The following CDH13 variants were observed in gnomAD, a reference collection of about 807,000 sequenced individuals.
CDH13 encodes the protein cadherin-13.
In CDH13, 24 loss-of-function variants were observed where a neutral mutation model predicts 63.8. The observed-to-expected ratio is 0.38, with a 90% CI of 0.27 to 0.53. The LOEUF (loss-of-function observed/expected upper bound fraction) is 0.53, where lower values mean the gene tolerates loss of function less well. Ranked by LOEUF, CDH13 falls within the 20% of genes least tolerant of loss-of-function variation. The pLI is 0.85. For missense variants in CDH13, 1,049 were observed against 903.1 expected (o/e 1.16, Z -2.07); for synonymous variants, 503 against 355.3 (o/e 1.42, Z -4.67).
At chr16:83,531,782 A>G (rs1054543416) in intron 7 of CDH13, among the ~76,000 whole-genome samples, 2 of 152,260 alleles carry the variant, frequency 1.3e-5, no homozygotes, top group East Asian at 3.9e-4. Flanking sequence ...CCCTGCGGCC[A>G]CCTTAATTTT....
chr16:82,721,359 A>G (rs2032758837), intron 1 of CDH13, among the ~76,000 whole-genome samples: 1 of 152,150 alleles, frequency 6.6e-6, no homozygotes, highest in Admixed American at 6.6e-5. Flanking sequence ...CTTGGGGCCC[A>G]AAGAAACCAG....
At chr16:83,106,587 A>T (rs1325883019) in intron 3 of CDH13, among the ~76,000 whole-genome samples, 1 of 152,176 alleles carries the variant, frequency 6.6e-6, no homozygotes, top group East Asian at 1.9e-4. Flanking sequence ...CAAGCATATC[A>T]AGGGAATGAT....
chr16:83,391,420 G>T (rs200146014), intron 6 of CDH13, among the ~76,000 whole-genome samples: 17 of 151,948 alleles, frequency 1.1e-4, no homozygotes, highest in Non-Finnish European at 2.1e-4. Flanking sequence ...TGGCCCGGCT[G>T]GTCTCGAACT....
intron 1 of CDH13, among the ~76,000 whole-genome samples, chr16:82,636,491 G>C (rs1226904412): frequency 6.6e-6 from 1 of 152,206 alleles, no homozygotes; most frequent in East Asian, 1.9e-4. Flanking sequence ...AGATATTTGA[G>C]AGAAACATTG....
intron 6 of CDH13, among the ~76,000 whole-genome samples, chr16:83,419,645 C>G (rs1302042424): frequency 1.3e-5 from 2 of 152,198 alleles, no homozygotes. Context: ...TTACTCAACA[C>G]CATTCTTGAT....
At chr16:83,708,623 C>G (rs993094981) in intron 10 of CDH13, among the ~76,000 whole-genome samples, 1 of 152,176 alleles carries the variant, frequency 6.6e-6, no homozygotes, top group Non-Finnish European at 1.5e-5. Flanking sequence ...ACATCCTAGT[C>G]CTTACCTTAT....
intron 6 of CDH13, among the ~76,000 whole-genome samples, chr16:83,447,610 G>A (rs1223647044): frequency 6.6e-6 from 1 of 152,038 alleles, no homozygotes; most frequent in Non-Finnish European, 1.5e-5. Context: ...CCTGTGTACA[G>A]GAAGAAGCGT....
At chr16:82,857,200 T>G (rs1473525033) in intron 1 of CDH13, among the ~76,000 whole-genome samples, 1 of 152,246 alleles carries the variant, frequency 6.6e-6, no homozygotes, top group Admixed American at 6.5e-5. Flanking sequence ...GGCAAGCTTG[T>G]TAACCTTTCT....
At chr16:83,465,462 C>G (rs1050317500) in intron 6 of CDH13, among the ~76,000 whole-genome samples, 3 of 152,196 alleles carry the variant, frequency 2.0e-5, no homozygotes, top group African/African-American at 4.8e-5. Flanking sequence ...TAACACCAAC[C>G]CTTTCCAGGA....
chr16:82,933,096 T>C (rs2042551090), intron 2 of CDH13, among the ~76,000 whole-genome samples: 1 of 151,808 alleles, frequency 6.6e-6, no homozygotes, highest in African/African-American at 2.4e-5. Flanking sequence ...TGATTCAGGG[T>C]TGGGGGAGTG....
intron 4 of CDH13, among the ~76,000 whole-genome samples, chr16:83,170,729 T>A (rs2037879644): frequency 6.6e-6 from 1 of 151,998 alleles, no homozygotes; most frequent in Admixed American, 6.6e-5. Flanking sequence ...ATTGATGGAG[T>A]AAAATGGAAA....
intron 1 of CDH13, among the ~76,000 whole-genome samples, chr16:82,817,752 C>T (rs185047546): frequency 1.6e-3 from 243 of 152,234 alleles, no homozygotes; most frequent in African/African-American, 5.4e-3. Flanking sequence ...TTGCTGTAAG[C>T]CACAGTCACA....
intron 7 of CDH13, among the ~76,000 whole-genome samples, chr16:83,579,094 G>A (rs943194606): frequency 1.3e-5 from 2 of 152,208 alleles, no homozygotes; most frequent in African/African-American, 4.8e-5. Flanking sequence ...TATAAACACA[G>A]AGAAAGTTGT....
At chr16:83,741,412 A>G (rs924889751) in intron 10 of CDH13, among the ~76,000 whole-genome samples, 2 of 151,928 alleles carry the variant, frequency 1.3e-5, no homozygotes, top group African/African-American at 2.4e-5. Context: ...AATACCCTGT[A>G]TCTCCTCTCC....
intron 1 of CDH13, among the ~76,000 whole-genome samples, chr16:82,842,026 C>T (rs28701624): frequency 0.24 from 36,171 of 147,640 alleles, 5,218 homozygotes; most frequent in Non-Finnish European, 0.33. Flanking sequence ...GTACCCCTCA[C>T]TGCTAGAAGA....
chr16:83,062,995 C>G (rs993041860), intron 3 of CDH13, among the ~76,000 whole-genome samples: 1 of 136,964 alleles, frequency 7.3e-6, no homozygotes, highest in Admixed American at 7.7e-5. Flanking sequence ...CAGAGTATTG[C>G]TCTATTACCC....
chr16:82,776,985 G>C (rs1013756264), intron 1 of CDH13, among the ~76,000 whole-genome samples: 15 of 152,182 alleles, frequency 9.9e-5, no homozygotes, highest in Non-Finnish European at 5.9e-5. Flanking sequence ...CAGAACATCA[G>C]GTTGGAGTGC....
At chr16:83,460,886 C>T (rs2073159512) in intron 6 of CDH13, among the ~76,000 whole-genome samples, 2 of 150,494 alleles carry the variant, frequency 1.3e-5, no homozygotes, top group Non-Finnish European at 2.9e-5. Context: ...TGCCTATGGT[C>T]CTAGCTGCTT....
chr16:82,656,019 G>A (rs1018384152), intron 1 of CDH13, among the ~76,000 whole-genome samples: 1 of 152,124 alleles, frequency 6.6e-6, no homozygotes, highest in Admixed American at 6.5e-5. Context: ...CTTCAGCTGA[G>A]AGTTACCGTG....
Sources: allele counts gnomAD v4.1 joint callset (sites outside exome capture counted in the v4.1 genomes callset), GRCh38; gene constraint gnomAD v4.1.1; transcripts MANE v1.5; gene names NCBI Gene and HGNC (gene_info 2026-07-23, HGNC 2026-07-21).